The following HEXA variants were observed in gnomAD, a reference collection of about 807,000 sequenced individuals.
HEXA encodes beta-hexosaminidase subunit alpha.
A neutral mutation model predicts 73.3 loss-of-function variants in HEXA; 54 were observed. The observed-to-expected ratio is 0.74, with a 90% confidence interval of 0.59 to 0.92. HEXA has a LOEUF of 0.92. HEXA is among the 40% of genes least tolerant of loss of function. The pLI is 0.00. For missense variants in HEXA, 649 were observed against 653.0 expected, an observed-to-expected ratio of 0.99 and a Z score of 0.07; for synonymous variants, 230 against 246.9, an observed-to-expected ratio of 0.93 and a Z score of 0.64.
intron 1 of HEXA, among the ~76,000 whole-genome samples, chr15:72,374,987 T>A (rs2089040970): frequency 6.6e-6 from 1 of 152,062 alleles, no homozygotes; most frequent in Admixed American, 6.6e-5. Flanking sequence ...GCTAATTACA[T>A]CTACCATCCC....
intron 1 of HEXA, among the ~76,000 whole-genome samples, chr15:72,375,010 C>A (rs1460687663): frequency 2.0e-5 from 3 of 151,956 alleles, no homozygotes; most frequent in African/African-American, 7.3e-5. Flanking sequence ...TCCAAGTGGC[C>A]GCTGGAAACT....
At position 72,367,926 on chromosome 15, in the gene HEXA, G is replaced by A. The variant is rs552709792; in HGVS notation, c.253+7794C>T. The stretch of plus-strand genomic sequence containing the variant: ...CTTTTCCCCCCATACACTTAGGTCA[G>A]GTGTTCCTCTTCTGCACTCCCAAAG... On this transcript the variant is annotated intron_variant, in intron 1 of 13. Transcript: ENST00000268097. 1.6e-4 allele frequency among the ~76,000 whole-genome samples: 25 copies of A among 152,260 alleles called. No homozygotes were observed. In the East Asian group the frequency reaches 3.7e-3, roughly 22 times the overall value.
chr15:72,341,951 AGTGTATCACGATCTCT>A lies in HEXA; in HGVS notation c.*2110_*2125del, dbSNP rs2088558581. The A allele has an allele frequency of 6.6e-6, 1 of 152,206 alleles. No homozygotes were observed. Among genetic ancestry groups the A allele is most frequent in the African/African-American group, 2.4e-5 (1 of 41,442 alleles). 9.4% of individuals were successfully genotyped at this position (152,206 alleles called of 1,614,324 possible). On this transcript the variant is annotated 3_prime_UTR_variant, in exon 14 of 14. Coordinates refer to ENST00000268097, the MANE Select transcript of HEXA (RefSeq NM_000520.6). Reference sequence around the variant, plus strand: ...GACAGAACCCTACTGCTTTAACTCAAGTGTATCACGATCTCTGCCTTCATCCACTTGAGACTTAAAA... The same window carrying A: ...GACAGAACCCTACTGCTTTAACTCAAGCCTTCATCCACTTGAGACTTAAAA...
intron 12 of HEXA, 100 bp from the exon 13 acceptor site, chr15:72,345,650 A>C (rs1268449177): frequency 1.3e-6 from 2 of 1,553,214 alleles, no homozygotes; most frequent in Non-Finnish European, 1.7e-6. Context: ...CCCTGGACTC[A>C]CTCAGGCCAA....
intron 1 of HEXA, among the ~76,000 whole-genome samples, chr15:72,362,855 G>A (rs983875114): frequency 4.6e-5 from 7 of 151,942 alleles, no homozygotes; most frequent in African/African-American, 1.2e-4. Context: ...CACTTCCATC[G>A]TATCAATGTG....
rs754966985 is a variant in HEXA, at chr15:72,353,074, G to A, written c.564C>T (p.Asp188=). 3 of 1,597,724 alleles carry A rather than the reference G, an allele frequency of 1.9e-6. No individual in the cohort carries two copies. In the South Asian group the frequency reaches 3.3e-5, roughly 18 times the overall value. ...GGCCTTAAGGCCTGGTTACCAGAGTGTCCAGGATGCTAGAGAGTGGCAGGT... is the reference window on the plus strand; with the variant it reads ...GGCCTTAAGGCCTGGTTACCAGAGTATCCAGGATGCTAGAGAGTGGCAGGT... ...RHYLPLSSIL[D]TLDVMAYNKL... The change falls in exon 5 of 14, where the codon GAC becomes GAT. Residue 188 remains aspartate, a synonymous_variant. Transcript: ENST00000268097.
intron 1 of HEXA, among the ~76,000 whole-genome samples, chr15:72,369,222 A>G (rs1021355110): frequency 1.3e-5 from 2 of 152,252 alleles, no homozygotes; most frequent in African/African-American, 4.8e-5. Context: ...AATGGGTTTT[A>G]TTCATTACAG....
In HEXA at chr15:72,347,706, C is replaced by G; in HGVS notation, c.1126G>C (p.Val376Leu). ...YGKGYVVWQE[V>L]FDNKVKIQPD... is the part of the protein sequence containing the mutation. Reference sequence around the variant, plus strand: ...CTCACCTTTACTTTATTATCAAACACCTCCTGCCACACCACATAGCCCTTG... The same window carrying G: ...CTCACCTTTACTTTATTATCAAACAGCTCCTGCCACACCACATAGCCCTTG... The change falls in exon 10 of 14, where the codon GTG becomes CTG. Residue 376 changes from valine (V) to leucine (L), a missense_variant. Transcript: ENST00000268097. The G allele has an allele frequency of 6.2e-7, 1 of 1,614,200 alleles. No individual in the cohort carries two copies. The highest frequency in any genetic ancestry group is 8.5e-7 in the Non-Finnish European group (1 of 1,180,022).
rs1271004196 is a variant in HEXA at position 72,343,705 on chromosome 15, T to C, written c.*372A>G. On this transcript the variant is annotated 3_prime_UTR_variant, in exon 14 of 14. Coordinates refer to ENST00000268097, the MANE Select transcript of HEXA (RefSeq NM_000520.6). ...AGGATTAGGGCAGGTGTCTGGAATA[T>C]GGTCAGGAGTGGGAGGGGAGTGACA... 9.7e-6 allele frequency: 3 copies of C among 308,842 alleles called. No individual in the cohort carries two copies. Among genetic ancestry groups the C allele is most frequent in the African/African-American group, 4.3e-5 (2 of 46,258 alleles). The allele number at this position is 308,842 out of a possible 1,614,324, so 19.1% of individuals were successfully genotyped here. A position where few individuals can be genotyped will look rare whatever the true frequency, so the allele number is the denominator to read the frequency against.
chr15:72,363,067 T>C (rs1595808060), intron 1 of HEXA, among the ~76,000 whole-genome samples: 1 of 152,316 alleles, frequency 6.6e-6, no homozygotes, highest in African/African-American at 2.4e-5. Context: ...ATGCCCACTT[T>C]CTTCTCTTCC....
At chr15:72,345,288 A>G (rs1374892276) in intron 13 of HEXA, 158 bp downstream of exon 13, 15 of 1,418,376 alleles carry the variant, frequency 1.1e-5, no homozygotes, top group Non-Finnish European at 1.3e-5. Flanking sequence ...TTTTTCCTGA[A>G]TACTTTTTAT....
chr15:72,345,314 C>T, intron 13 of HEXA, 132 bp downstream of exon 13: 2 of 1,509,814 alleles, frequency 1.3e-6, no homozygotes, highest in Non-Finnish European at 1.8e-6. Flanking sequence ...TTGGTTGAAT[C>T]CGTGGATGAG....
chr15:72,346,874 G>C, intron 10 of HEXA, 164 bp from the exon 11 acceptor site: 3 of 716,466 alleles, frequency 4.2e-6, no homozygotes. Context: ...CCTCAGGACA[G>C]AGGCCAAGGA....
Position 72,355,616 on chromosome 15 carries a change from T to A in HEXA, c.355A>T (p.Thr119Ser). The A allele has an allele frequency of 6.2e-7, 1 of 1,609,344 alleles. No homozygotes were observed. The highest frequency in any genetic ancestry group is 8.5e-7 in the Non-Finnish European group (1 of 1,175,662). The part of the protein sequence containing the change: ...TLESVENYTL[T>S]INDDQCLLLS... ...AGTAAACACTGGTCATCATTTATGG[T>A]CAGGGTATCTGAAATGACAGAAATG... The change falls in exon 3 of 14, where the codon ACC (threonine) becomes TCC (serine). Residue 119 changes from threonine (T) to serine (S), a missense_variant. Transcript: ENST00000268097.
At chr15:72,354,179 A>G (rs2088741444) in intron 3 of HEXA, 1 of 174,218 alleles carries the variant, frequency 5.7e-6, no homozygotes, top group African/African-American at 2.4e-5. Flanking sequence ...AAATTGTGAG[A>G]AAGTGATCAT....
rs1057519467 is a variant in HEXA, at chr15:72,345,540, C to T, written c.1432G>A (p.Gly478Arg). Residue 478 changes from glycine to arginine, a missense_variant, in exon 13 of 14, where the codon GGG (glycine) becomes AGG (arginine). Gly to Arg is a moderately radical substitution (Grantham distance 125). Coordinates refer to ENST00000268097, the MANE Select transcript of HEXA (RefSeq NM_000520.6). ...CTCCACAGCCTTTCGGCAACAGCCC[C>T]TGCTCTGGGCCTGGAGGAAAAGGGG... ...NLVPRLWPRA[G>R]AVAERLWSNK... is the part of the protein sequence containing the mutation. 1 of 1,614,252 alleles carries T rather than the reference C, an allele frequency of 6.2e-7. No homozygotes were observed. Among genetic ancestry groups the T allele is most frequent in the Non-Finnish European group, 8.5e-7 (1 of 1,180,046 alleles).
At chr15:72,347,655 G>T in intron 10 of HEXA, 31 bp downstream of exon 10, 1 of 1,584,032 alleles carries the variant, frequency 6.3e-7, no homozygotes, top group Non-Finnish European at 8.7e-7. Flanking sequence ...GGCACTGCTG[G>T]TGGCTTCTTC....
intron 10 of HEXA, 171 bp from the exon 11 acceptor site, chr15:72,346,881 A>G (rs1595797449): frequency 1.4e-6 from 1 of 693,128 alleles, no homozygotes; most frequent in Non-Finnish European, 2.6e-6. Flanking sequence ...ACAGAGGCCA[A>G]GGAATCCAGG....
At chr15:72,361,900 C>T (rs937928822) in intron 1 of HEXA, among the ~76,000 whole-genome samples, 1 of 152,190 alleles carries the variant, frequency 6.6e-6, no homozygotes, top group Non-Finnish European at 1.5e-5. Flanking sequence ...TAAAAAATCT[C>T]CCAGGCAGTC....
Sources: allele counts gnomAD v4.1 joint callset (sites outside exome capture counted in the v4.1 genomes callset), GRCh38; gene constraint gnomAD v4.1.1; transcripts MANE v1.5; gene names NCBI Gene and HGNC (gene_info 2026-07-23, HGNC 2026-07-21).